CLCNKB: variants seen among roughly 807,000 people sequenced by gnomAD.
CLCNKB encodes the protein chloride channel protein ClC-Kb.
In CLCNKB, 74 loss-of-function variants were observed where a neutral mutation model predicts 83.8. The observed-to-expected ratio is 0.88, with a 90% CI of 0.73 to 1.07. The LOEUF (loss-of-function observed/expected upper bound fraction) is 1.07. Among genes scored for constraint, CLCNKB ranks in the 50% least tolerant of loss-of-function variants. The pLI is 0.00. For synonymous variants in CLCNKB, 358 were observed against 356.6 expected (o/e 1.00, Z -0.04); for missense variants, 798 against 893.6 (o/e 0.89, Z 1.36).
At position 16,049,151 on chromosome 1, in the gene CLCNKB, C is replaced by T. The variant is rs1369958490; in HGVS notation, c.687C>T (p.Ser229=). ...TGTTCAGCATCGAGGTCATGTCTTCCCACTTCTCTGTCTGGGATTACTGGA... is the reference window on the plus strand; with the variant it reads ...TGTTCAGCATCGAGGTCATGTCTTCTCACTTCTCTGTCTGGGATTACTGGA... ...GVLFSIEVMS[S]HFSVWDYWRG... Residue 229 remains serine, a synonymous_variant, in exon 8 of 20, where the codon TCC becomes TCT. Coordinates refer to ENST00000375679, the MANE Select transcript of CLCNKB (RefSeq NM_000085.5). 1 of 1,613,394 alleles carries T rather than the reference C, an allele frequency of 6.2e-7. No homozygotes were observed. Among genetic ancestry groups the T allele is most frequent in the Non-Finnish European group, 8.5e-7 (1 of 1,180,008 alleles).
rs2023315765 is a variant in CLCNKB at position 16,052,213 on chromosome 1, C to A, written c.1424C>A (p.Ser475Ter). The A allele has an allele frequency of 1.2e-6, 2 of 1,613,102 alleles. No individual in the cohort carries two copies. Among genetic ancestry groups the A allele is most frequent in the Non-Finnish European group, 1.7e-6 (2 of 1,179,976 alleles). The change falls in exon 15 of 20, where the codon TCA (serine) becomes TAA (stop). Residue 475 changes from serine to a stop codon, truncating the protein, a stop_gained. Transcript: ENST00000375679. LOFTEE classifies it high-confidence loss of function. The part of the protein sequence containing the change: ...GYALAGAAAF[S>*]GAVTHTISTA... ...GCCCTTGCAGGGGCTGCAGCCTTCT[C>A]AGGGGCTGTGACCCACACCATCTCC...
At chr1:16,045,528 C>A in intron 2 of CLCNKB, 30 bp from the exon 3 acceptor site, 10 of 1,610,908 alleles carry the variant, frequency 6.2e-6, no homozygotes, top group Non-Finnish European at 8.5e-6. Context: ...CCTGCCCCAC[C>A]CTGTGCCGTG....
At chr1:16,052,974 T>C (rs865899965) in intron 15 of CLCNKB, among the ~76,000 whole-genome samples, 2 of 151,986 alleles carry the variant, frequency 1.3e-5, no homozygotes, top group Non-Finnish European at 2.9e-5. Context: ...ATCTGGAAAA[T>C]GGGGCTGCTT....
chr1:16,049,926 G>A lies in CLCNKB; in HGVS notation c.968+10G>A, dbSNP rs1225102251. On this transcript the variant is annotated intron_variant, in intron 10 of 19. Coordinates refer to ENST00000375679, the MANE Select transcript of CLCNKB (RefSeq NM_000085.5). ...AACTGCTGGCCACCAGGTAGGCTCC[G>A]GGCTAAGGGCTGGGGACCTCTCAGC... 3.3e-6 allele frequency: 5 copies of A among 1,505,122 alleles called. No homozygotes were observed. The highest frequency in any genetic ancestry group is 1.1e-5 in the South Asian group (1 of 87,154). 93.2% of individuals were successfully genotyped at this position (1,505,122 alleles called of 1,614,324 possible).
intron 18 of CLCNKB, 63 bp downstream of exon 18, chr1:16,055,821 G>A (rs572580922): frequency 1.9e-5 from 28 of 1,502,320 alleles, no homozygotes; most frequent in East Asian, 4.5e-5. Flanking sequence ...AGCTGATGAG[G>A]AGCTCACGCT....
rs959097802 is a variant in CLCNKB, at chr1:16,056,979, C to T, written c.*63C>T. Reference sequence around the variant, plus strand: ...CCTGGTACTGAGGTTGGGCTGAGACCCTGCTTCTCTTCCCCCATCACCACC... The same window carrying T: ...CCTGGTACTGAGGTTGGGCTGAGACTCTGCTTCTCTTCCCCCATCACCACC... On this transcript the variant is annotated 3_prime_UTR_variant, in exon 20 of 20. Coordinates refer to ENST00000375679, the MANE Select transcript of CLCNKB (RefSeq NM_000085.5). 1.2e-5 allele frequency: 18 copies of T among 1,459,464 alleles called. No individual in the cohort carries two copies. The highest frequency in any genetic ancestry group is 1.7e-5 in the Non-Finnish European group (18 of 1,044,292). The allele number at this position is 1,459,464 out of a possible 1,614,324, so 90.4% of individuals were successfully genotyped here. A position where few individuals can be genotyped will look rare whatever the true frequency, so the allele number is the denominator to read the frequency against.
intron 7 of CLCNKB, chr1:16,048,807 G>A: frequency 6.9e-7 from 1 of 1,445,188 alleles, no homozygotes. Flanking sequence ...ACAGACTTGG[G>A]TTTGAAATCC....
chr1:16,045,777 G>A (rs897980003), intron 3 of CLCNKB, 91 bp downstream of exon 3: 1 of 987,560 alleles, frequency 1.0e-6, no homozygotes, highest in Non-Finnish European at 1.5e-6. Flanking sequence ...TGCAGCGGAG[G>A]TTGGGGGGGG....
Position 16,056,418 on chromosome 1 carries a change from C to A in CLCNKB, c.1930-4C>A, listed in dbSNP as rs1385851528. The A allele has an allele frequency of 1.9e-6, 3 of 1,613,904 alleles. No homozygotes were observed. Among genetic ancestry groups the A allele is most frequent in the South Asian group, 2.2e-5 (2 of 91,082 alleles). On this transcript the variant is annotated splice_region_variant and splice_polypyrimidine_tract_variant and intron_variant, in intron 18 of 19. Transcript: ENST00000375679. Reference sequence around the variant, plus strand: ...TCCAGTGTTTCCTAACATCCCCCATCCAGGCACACAACCTCTTTGAGCTGT... The same window carrying A: ...TCCAGTGTTTCCTAACATCCCCCATACAGGCACACAACCTCTTTGAGCTGT...
chr1:16,049,083 G>C, intron 7 of CLCNKB, 37 bp from the exon 8 acceptor site: 1 of 1,613,450 alleles, frequency 6.2e-7, no homozygotes, highest in Non-Finnish European at 8.5e-7. Context: ...AGGTGGGTGG[G>C]GGTGGAGGGC....
chr1:16,047,872 G>A (rs2124089245), intron 4 of CLCNKB, 33 bp from the exon 5 acceptor site: 1 of 1,611,076 alleles, frequency 6.2e-7, no homozygotes, highest in South Asian at 1.1e-5. Flanking sequence ...CCTAGAGATT[G>A]TCCCCCTCCT....
At chr1:16,044,422 C>A in intron 1 of CLCNKB, 64 bp from the exon 2 acceptor site, 3 of 1,337,478 alleles carry the variant, frequency 2.2e-6, no homozygotes, top group African/African-American at 1.4e-5. Flanking sequence ...ACTGGAAGGG[C>A]CTAGAGGCAG....
Position 16,044,526 on chromosome 1 carries a change from T to C in CLCNKB, c.34T>C (p.Ser12Pro). The C allele has an allele frequency of 1.2e-6, 2 of 1,606,910 alleles. No individual in the cohort carries two copies. The highest frequency in any genetic ancestry group is 1.7e-6 in the Non-Finnish European group (2 of 1,177,524). The change falls in exon 2 of 20, where the codon TCA becomes CCA. Residue 12 changes from serine to proline, a missense_variant. Transcript: ENST00000375679. Reference sequence around the variant, plus strand: ...GTTTGTGGGGCTGCGTGAAGGCTCCTCAGGGAACCCTGTGACTCTGCAGGA... The same window carrying C: ...GTTTGTGGGGCTGCGTGAAGGCTCCCCAGGGAACCCTGTGACTCTGCAGGA... ...EEFVGLREGS[S>P]GNPVTLQELW...
At position 16,044,509 on chromosome 1, in the gene CLCNKB, G is replaced by A. The variant is rs747945822; in HGVS notation, c.17G>A (p.Gly6Glu). 6.2e-7 allele frequency: 1 copy of A among 1,604,464 alleles called. No individual in the cohort carries two copies. The highest frequency in any genetic ancestry group is 8.5e-7 in the Non-Finnish European group (1 of 1,176,412). Residue 6 changes from glycine to glutamate, a missense_variant, in exon 2 of 20, where the codon GGG (glycine) becomes GAG (glutamate). Coordinates refer to ENST00000375679, the MANE Select transcript of CLCNKB (RefSeq NM_000085.5). The part of the protein sequence containing the change: MEEFV[G>E]LREGSSGNPV... ...AGGGGCCTGATGGAGGAGTTTGTGG[G>A]GCTGCGTGAAGGCTCCTCAGGGAAC...
intron 7 of CLCNKB, 157 bp downstream of exon 7, chr1:16,048,739 G>T: frequency 6.8e-7 from 1 of 1,475,230 alleles, no homozygotes. Context: ...CCCCCACCGG[G>T]GGGAGGGGGG....
chr1:16,052,470 G>T, intron 15 of CLCNKB, 59 bp downstream of exon 15: 1 of 1,609,262 alleles, frequency 6.2e-7, no homozygotes, highest in Non-Finnish European at 8.5e-7. Flanking sequence ...GAAGGGCTGG[G>T]GTGAAGGGCA....
chr1:16,048,980 C>A, intron 7 of CLCNKB, 140 bp from the exon 8 acceptor site: 1 of 1,570,494 alleles, frequency 6.4e-7, no homozygotes, highest in Non-Finnish European at 8.6e-7. Context: ...GCATGCCCTG[C>A]CCTCCCCTCC....
intron 4 of CLCNKB, 65 bp downstream of exon 4, chr1:16,046,728 C>G: frequency 6.3e-7 from 1 of 1,591,138 alleles, no homozygotes; most frequent in Non-Finnish European, 8.6e-7. Flanking sequence ...AGGGGGGAGT[C>G]GGGAAGGGGC....
chr1:16,051,090 G>C (rs1165983953), intron 12 of CLCNKB, 42 bp downstream of exon 12: 1 of 1,610,520 alleles, frequency 6.2e-7, no homozygotes, highest in South Asian at 1.1e-5. Flanking sequence ...GCTGGGACCA[G>C]CTCTGGTGGT....
Sources: gnomAD v4.1 joint callset for allele counts (sites outside exome capture counted in the v4.1 genomes callset) on GRCh38, gnomAD v4.1.1 for gene constraint, MANE v1.5 for transcripts, NCBI Gene and HGNC (gene_info 2026-07-23, HGNC 2026-07-21) for gene names.